The following LNPK variants were observed in gnomAD, a reference collection of about 807,000 sequenced individuals.
LNPK encodes endoplasmic reticulum junction formation protein lunapark.
In LNPK, 29 loss-of-function variants were observed where a neutral mutation model predicts 55.2. The observed-to-expected ratio is 0.53, with a 90% CI of 0.39 to 0.72. The LOEUF (loss-of-function observed/expected upper bound fraction) is 0.72. Among genes scored for constraint, LNPK ranks in the 30% least tolerant of loss-of-function variants. The pLI is 0.00. For missense variants in LNPK, 467 were observed against 494.8 expected (o/e 0.94, Z 0.53); for synonymous variants, 162 against 168.2 (o/e 0.96, Z 0.29).
At chr2:175,958,746 C>T (rs1685834631) in intron 8 of LNPK, among the ~76,000 whole-genome samples, 1 of 152,138 alleles carries the variant, frequency 6.6e-6, no homozygotes, top group African/African-American at 2.4e-5. Flanking sequence ...AAGAAGGCTT[C>T]AGAAGGTCAG....
chr2:175,957,900 G>A (rs918628810), intron 8 of LNPK, among the ~76,000 whole-genome samples: 2 of 152,212 alleles, frequency 1.3e-5, no homozygotes, highest in African/African-American at 4.8e-5. Flanking sequence ...CACACCAGGG[G>A]ATTATATCCC....
chr2:175,937,844 A>C (rs923265639), intron 11 of LNPK: 2 of 190,962 alleles, frequency 1.0e-5, no homozygotes, highest in East Asian at 2.6e-4. Flanking sequence ...TCTAGTAACC[A>C]GAATCATTAG....
intron 5 of LNPK, among the ~76,000 whole-genome samples, chr2:175,976,202 A>G (rs966527715): frequency 3.9e-5 from 6 of 152,226 alleles, no homozygotes; most frequent in African/African-American, 1.4e-4. Context: ...AAGCTATTAG[A>G]CAATTTTAAG....
rs1265960491 is a variant in LNPK, at chr2:175,992,436, T to C, written c.70-18A>G. The C allele has an allele frequency of 7.1e-7, 1 of 1,403,734 alleles. No individual in the cohort carries two copies. The highest frequency in any genetic ancestry group is 9.6e-7 in the Non-Finnish European group (1 of 1,046,936). 87.0% of individuals were successfully genotyped at this position (1,403,734 alleles called of 1,614,324 possible). ...TGAATTTCCTGTTAAGAGAAAATTA[T>C]TCCATGTTAGTAAATTTCAAACTTC... On this transcript the variant is annotated intron_variant, in intron 3 of 12. Coordinates refer to ENST00000272748, the MANE Select transcript of LNPK (RefSeq NM_030650.3).
chr2:175,967,355 T>A (rs1181881682), intron 6 of LNPK, among the ~76,000 whole-genome samples: 2 of 152,132 alleles, frequency 1.3e-5, no homozygotes, highest in African/African-American at 4.8e-5. Context: ...TTCTACTGGA[T>A]ACAGCCATTA....
intron 1 of LNPK, among the ~76,000 whole-genome samples, chr2:175,999,070 G>C (rs1352881173): frequency 6.6e-6 from 1 of 152,012 alleles, no homozygotes; most frequent in Non-Finnish European, 1.5e-5. Context: ...CATGCTTTCA[G>C]GTTCATAATC....
chr2:175,970,487 C>A (rs533810380), intron 6 of LNPK, among the ~76,000 whole-genome samples: 1 of 151,874 alleles, frequency 6.6e-6, no homozygotes, highest in Admixed American at 6.6e-5. Context: ...ACATTTTTAC[C>A]CTCTCTGCCT....
chr2:175,928,999 G>T lies in LNPK; in HGVS notation c.*968C>A, dbSNP rs904632159. 3.3e-5 allele frequency: 14 copies of T among 418,744 alleles called. No homozygotes were observed. The highest frequency in any genetic ancestry group is 4.5e-5 in the Non-Finnish European group (14 of 311,710). 25.9% of individuals were successfully genotyped at this position (418,744 alleles called of 1,614,324 possible). A position where few individuals can be genotyped will look rare whatever the true frequency, so the allele number is the denominator to read the frequency against. On this transcript the variant is annotated 3_prime_UTR_variant, in exon 13 of 13. Coordinates refer to ENST00000272748, the MANE Select transcript of LNPK (RefSeq NM_030650.3). ...AGTCTGAATAAAAGTACCATAATTT[G>T]CTCTAAGCAGAATCTACAGATTTAT...
chr2:175,974,105 T>A (rs1485824740), intron 5 of LNPK, among the ~76,000 whole-genome samples: 1 of 152,182 alleles, frequency 6.6e-6, no homozygotes, highest in African/African-American at 2.4e-5. Flanking sequence ...GAGTTGGGAA[T>A]ATGATGATAA....
intron 1 of LNPK, among the ~76,000 whole-genome samples, chr2:175,999,774 T>C (rs1421970030): frequency 6.6e-6 from 1 of 152,190 alleles, no homozygotes; most frequent in East Asian, 1.9e-4. Context: ...TGTTTTTCTT[T>C]TTGTTGAGAC....
Position 175,929,152 on chromosome 2 carries a change from A to C in LNPK, c.*815T>G, listed in dbSNP as rs1684149439. The C allele has an allele frequency of 1.0e-6, 1 of 981,416 alleles. No homozygotes were observed. The highest frequency in any genetic ancestry group is 1.2e-6 in the Non-Finnish European group (1 of 825,946). The allele number at this position is 981,416 out of a possible 1,614,324, so 60.8% of individuals were successfully genotyped here. On this transcript the variant is annotated 3_prime_UTR_variant, in exon 13 of 13. Transcript: ENST00000272748. ...AGATTATTTTCATTTTCCTTAATAA[A>C]ATACAAACAAGAGCACAAAATTCAC...
intron 6 of LNPK, among the ~76,000 whole-genome samples, chr2:175,969,803 T>C (rs576786922): frequency 6.6e-6 from 1 of 152,328 alleles, no homozygotes; most frequent in Admixed American, 6.5e-5. Context: ...GCAGTTTTGA[T>C]AAATACCTCA....
rs764093382 is a variant in LNPK at position 175,947,562 on chromosome 2, TG to T, written c.623del (p.Pro208GlnfsTer37). 53 of 1,614,068 alleles carry T rather than the reference TG, an allele frequency of 3.3e-5. No homozygotes were observed. Among genetic ancestry groups the T allele is most frequent in the Non-Finnish European group, 4.5e-5 (53 of 1,179,972 alleles). ...PKDSSAPGGP[P>X]ERTVTPALSS... ...ATAGGGCTGGAGTAACAGTCCTTTCTGGGGGTCCACCAGGGGCAGAACTGTC... is the reference window on the plus strand; with the variant it reads ...ATAGGGCTGGAGTAACAGTCCTTTCTGGGGTCCACCAGGGGCAGAACTGTC... On this transcript the variant is annotated frameshift_variant, in exon 9 of 13. Transcript: ENST00000272748. LOFTEE classifies it high-confidence loss of function.
chr2:175,997,622 T>C (rs745563838), intron 1 of LNPK, among the ~76,000 whole-genome samples: 6 of 152,126 alleles, frequency 3.9e-5, no homozygotes, highest in Non-Finnish European at 8.8e-5. Context: ...TCAGAATTTT[T>C]AATATTTGAA....
chr2:175,992,441 T>C (rs562398896), intron 3 of LNPK, 23 bp from the exon 4 acceptor site: 13 of 1,371,840 alleles, frequency 9.5e-6, no homozygotes, highest in South Asian at 3.0e-5. Context: ...AATTATTCCA[T>C]GTTAGTAAAT....
At position 175,937,298 on chromosome 2, in the gene LNPK, A is replaced by T. The variant is rs1336585864; in HGVS notation, c.1054+46T>A. 1.9e-6 allele frequency: 3 copies of T among 1,548,546 alleles called. No individual in the cohort carries two copies. In the African/African-American group the frequency reaches 4.1e-5, roughly 21 times the overall value. On this transcript the variant is annotated intron_variant, in intron 12 of 12. Coordinates refer to ENST00000272748, the MANE Select transcript of LNPK (RefSeq NM_030650.3). ...AAGCATTATGCTTTTATTACTGTTA[A>T]ATAACACATGTTATTAAGGGGCAAA...
chr2:175,976,832 C>A (rs1218102338), intron 5 of LNPK, among the ~76,000 whole-genome samples: 1 of 152,242 alleles, frequency 6.6e-6, no homozygotes, highest in African/African-American at 2.4e-5. Flanking sequence ...CATTAGCCCT[C>A]CTGGGTCTCC....
rs977840763 is a variant in LNPK, at chr2:175,937,218, C to T, written c.1054+126G>A. ...ACACAGGAGGCTATGGTAACAGAGCCGTAGTTGACATATGCATGCAGCAAA... is the reference window on the plus strand; with the variant it reads ...ACACAGGAGGCTATGGTAACAGAGCTGTAGTTGACATATGCATGCAGCAAA... On this transcript the variant is annotated intron_variant, in intron 12 of 12. Transcript: ENST00000272748. 9.6e-6 allele frequency: 8 copies of T among 834,790 alleles called. No homozygotes were observed. The South Asian group carries it at 1.3e-4, about 14-fold the overall frequency. 51.7% of individuals were successfully genotyped at this position (834,790 alleles called of 1,614,324 possible).
intron 2 of LNPK, among the ~76,000 whole-genome samples, chr2:175,994,486 T>C (rs970477637): frequency 6.6e-6 from 1 of 152,250 alleles, no homozygotes; most frequent in Non-Finnish European, 1.5e-5. Context: ...CTAGACTACC[T>C]TATCTCCTCT....
Sources: allele counts gnomAD v4.1 joint callset (sites outside exome capture counted in the v4.1 genomes callset), GRCh38; gene constraint gnomAD v4.1.1; transcripts MANE v1.5; gene names NCBI Gene and HGNC (gene_info 2026-07-23, HGNC 2026-07-21).